The following ULK4 variants were observed in gnomAD, a reference collection of about 807,000 sequenced individuals.
ULK4 encodes unc-51 like kinase 4.
ULK4 carries 133 observed loss-of-function variants against 160.6 expected under a neutral mutation model. That is an observed-to-expected ratio of 0.83 (90% CI 0.72 to 0.96). ULK4 has a LOEUF of 0.96. ULK4 is among the 40% of genes least tolerant of loss of function. ULK4 has a pLI of 0.00. For synonymous variants in ULK4, 534 were observed against 539.8 expected (o/e 0.99, Z 0.15); for missense variants, 1,580 against 1,499.5 (o/e 1.05, Z -0.89).
chr3:41,714,897 AG>A (rs2037215319), intron 25 of ULK4, among the ~76,000 whole-genome samples: 3 of 151,846 alleles, frequency 2.0e-5, no homozygotes, highest in Admixed American at 2.0e-4. Context: ...TATAAGCCGA[AG>A]TAAATAATAA....
At position 41,831,531 on chromosome 3, in the gene ULK4, A is replaced by ATATATATATATTTTTTTTTTT; in HGVS notation, c.1764+4332_1764+4333insAAAAAAAAAAATATATATATA. 1.3e-4 allele frequency among the ~76,000 whole-genome samples: 18 copies of ATATATATATATTTTTTTTTTT among 138,120 alleles called. No homozygotes were observed. The East Asian group carries it at 3.8e-3, about 29-fold the overall frequency. The allele number at this position is 138,120 out of a possible 152,430, so 90.6% of individuals were successfully genotyped here. A position where few individuals can be genotyped will look rare whatever the true frequency, so the allele number is the denominator to read the frequency against. ...TTATTGTTATTTTATATATATATATATTTTTTTTTCTTTCTTAAACTTTAG... is the reference window on the plus strand; with the variant it reads ...TTATTGTTATTTTATATATATATATATATATATATATTTTTTTTTTTTTTTTTTTTCTTTCTTAAACTTTAG... On this transcript the variant is annotated intron_variant, in intron 18 of 36. Transcript: ENST00000301831.
chr3:41,285,065 G>A (rs1428811666), intron 35 of ULK4, among the ~76,000 whole-genome samples: 2 of 152,122 alleles, frequency 1.3e-5, no homozygotes, highest in Non-Finnish European at 2.9e-5. Flanking sequence ...TGCAAGAATG[G>A]CCATAATCAA....
intron 29 of ULK4, 81 bp downstream of exon 29, chr3:41,681,427 C>T (rs1195091026): frequency 2.0e-5 from 32 of 1,576,736 alleles, no homozygotes; most frequent in Non-Finnish European, 2.1e-5. Flanking sequence ...AAGACCCCAA[C>T]CCCATCACTG....
At chr3:41,560,314 T>A (rs1476795603) in intron 32 of ULK4, among the ~76,000 whole-genome samples, 2 of 152,180 alleles carry the variant, frequency 1.3e-5, no homozygotes, top group Non-Finnish European at 2.9e-5. Context: ...CCAGCTTTGT[T>A]CTTTTGGCTT....
chr3:41,353,699 TTACTACTACTACTAC>T (rs4016416), intron 35 of ULK4, among the ~76,000 whole-genome samples: 4,586 of 143,942 alleles, frequency 0.032, 96 homozygotes, highest in South Asian at 0.058. Flanking sequence ...ATAATTACAA[TTACTACTACTACTAC>T]TACTACTACT....
intron 35 of ULK4, among the ~76,000 whole-genome samples, chr3:41,291,099 G>A (rs368747437): frequency 1.4e-4 from 22 of 152,016 alleles, no homozygotes; most frequent in African/African-American, 2.2e-4. Context: ...TGCAAGTCCC[G>A]ACTCCTTGAA....
At chr3:41,630,543 C>A (rs1429977077) in intron 30 of ULK4, among the ~76,000 whole-genome samples, 2 of 152,162 alleles carry the variant, frequency 1.3e-5, no homozygotes, top group Non-Finnish European at 2.9e-5. Context: ...AGGGCTCTTA[C>A]GATTGGTCAG....
At chr3:41,642,700 T>TACCC (rs2034275354) in intron 30 of ULK4, among the ~76,000 whole-genome samples, 1 of 152,224 alleles carries the variant, frequency 6.6e-6, no homozygotes. Context: ...TTTGGGTATA[T>TACCC]ACCCAGTAAT....
At chr3:41,743,508 T>C (rs1559522021) in intron 22 of ULK4, among the ~76,000 whole-genome samples, 2 of 151,600 alleles carry the variant, frequency 1.3e-5, no homozygotes, top group East Asian at 3.8e-4. Flanking sequence ...GTTAAGAATA[T>C]AAAAAAAGAA....
intron 17 of ULK4, among the ~76,000 whole-genome samples, chr3:41,850,162 T>G (rs1166362551): frequency 6.6e-6 from 1 of 152,218 alleles, no homozygotes; most frequent in South Asian, 2.1e-4. Context: ...TATGGCTGCA[T>G]AGTATTCCAT....
intron 2 of ULK4, among the ~76,000 whole-genome samples, chr3:41,944,549 C>T (rs1418134793): frequency 6.6e-6 from 1 of 152,140 alleles, no homozygotes; most frequent in Non-Finnish European, 1.5e-5. Flanking sequence ...CTCCTTGATA[C>T]AGCAAAACTC....
intron 25 of ULK4, among the ~76,000 whole-genome samples, chr3:41,708,741 T>A (rs962679522): frequency 6.6e-5 from 10 of 152,294 alleles, no homozygotes; most frequent in African/African-American, 2.4e-4. Context: ...GATTTCAAGT[T>A]TTCTCACCAC....
At chr3:41,843,242 C>T (rs1427708095) in intron 17 of ULK4, among the ~76,000 whole-genome samples, 1 of 152,002 alleles carries the variant, frequency 6.6e-6, no homozygotes, top group Non-Finnish European at 1.5e-5. Context: ...TAAATTAAAA[C>T]CAAAATAAGA....
rs554485392 is a variant in ULK4, at chr3:41,958,472, C to T, written c.-49+3544G>A. Among the ~76,000 whole-genome samples, 12 of 150,794 alleles carry T rather than the reference C, an allele frequency of 8.0e-5. No homozygotes were observed. The East Asian group carries it at 2.1e-3, about 27-fold the overall frequency. On this transcript the variant is annotated intron_variant, in intron 1 of 36. Transcript: ENST00000301831. ...ATCCCAGCACTTTGGGAGGTCGAGTCGGACGGATCGCCTGAGGTCACAAGT... is the reference window on the plus strand; with the variant it reads ...ATCCCAGCACTTTGGGAGGTCGAGTTGGACGGATCGCCTGAGGTCACAAGT...
intron 21 of ULK4, among the ~76,000 whole-genome samples, chr3:41,765,773 T>C (rs2039142168): frequency 6.6e-6 from 1 of 152,178 alleles, no homozygotes; most frequent in Non-Finnish European, 1.5e-5. Flanking sequence ...ATGAATATAT[T>C]ATCTTGGAAA....
At chr3:41,906,970 C>T (rs1052511889) in intron 12 of ULK4, among the ~76,000 whole-genome samples, 19 of 148,240 alleles carry the variant, frequency 1.3e-4, no homozygotes, top group African/African-American at 4.7e-4. Flanking sequence ...TCCAGCCTGG[C>T]GACTGAGCAA....
chr3:41,396,763 T>C (rs2082070076), intron 35 of ULK4, among the ~76,000 whole-genome samples: 1 of 152,146 alleles, frequency 6.6e-6, no homozygotes, highest in Admixed American at 6.6e-5. Context: ...CAAGACCTAC[T>C]GTCCTCAGAA....
At chr3:41,754,983 G>A (rs746165540) in intron 21 of ULK4, among the ~76,000 whole-genome samples, 3 of 152,082 alleles carry the variant, frequency 2.0e-5, no homozygotes, top group Non-Finnish European at 4.4e-5. Context: ...ACAAAGAAAC[G>A]TATACTCCTA....
chr3:41,570,848 A>G (rs2087949247), intron 31 of ULK4, among the ~76,000 whole-genome samples: 1 of 152,106 alleles, frequency 6.6e-6, no homozygotes, highest in Non-Finnish European at 1.5e-5. Context: ...GAGATCCCAG[A>G]GTCACTGAAG....
Sources: gnomAD v4.1 joint callset for allele counts (sites outside exome capture counted in the v4.1 genomes callset) on GRCh38, gnomAD v4.1.1 for gene constraint, MANE v1.5 for transcripts, NCBI Gene and HGNC (gene_info 2026-07-23, HGNC 2026-07-21) for gene names.